OIT3: variants seen among roughly 807,000 people sequenced by gnomAD.
OIT3 encodes oncoprotein-induced transcript 3 protein.
OIT3 carries 41 observed loss-of-function variants against 52.2 expected under a neutral mutation model. That is an observed-to-expected ratio of 0.79 (90% CI 0.61 to 1.02). The LOEUF is 1.02. OIT3 is among the 50% of genes least tolerant of loss of function. The probability of loss-of-function intolerance (pLI) is 0.00; values close to 1 mark genes in which losing one functional copy is unlikely to be tolerated. For missense variants in OIT3, 634 were observed against 715.5 expected (o/e 0.89, Z 1.30); for synonymous variants, 244 against 276.9 (o/e 0.88, Z 1.18).
chr10:72,901,980 C>T (rs1430747094), intron 3 of OIT3, among the ~76,000 whole-genome samples: 1 of 152,048 alleles, frequency 6.6e-6, no homozygotes, highest in Non-Finnish European at 1.5e-5. Context: ...TTAAGGCTGC[C>T]ATCAGCTCTG....
rs766246668 is a variant in OIT3, at chr10:72,927,417, A to AACG, written c.1367+2774_1367+2776dup. ...GGCCTCCCAAAGTGCTGGGATTACA[A>AACG]ACGTGAGCCACCACGCCCAACCATA... On this transcript the variant is annotated intron_variant, in intron 7 of 8. Transcript: ENST00000334011. Among the ~76,000 whole-genome samples the AACG allele has an allele frequency of 2.0e-5, 3 of 152,246 alleles. No homozygotes were observed. The South Asian group carries it at 6.2e-4, about 32-fold the overall frequency.
rs1363419707 is a variant in OIT3 at position 72,919,052 on chromosome 10, G to A, written c.952-5177G>A. On this transcript the variant is annotated intron_variant, in intron 6 of 8. Transcript: ENST00000334011. ...AAGCAGTGAGTCTATAAATTGCTTTGGGCAATATGGTCATTTTAATAATAT... is the reference window on the plus strand; with the variant it reads ...AAGCAGTGAGTCTATAAATTGCTTTAGGCAATATGGTCATTTTAATAATAT... Among the ~76,000 whole-genome samples the A allele has an allele frequency of 5.9e-5, 9 of 152,060 alleles. No individual in the cohort carries two copies. In the South Asian group the frequency reaches 1.2e-3, roughly 21 times the overall value.
chr10:72,924,701 T>C, intron 7 of OIT3, 57 bp downstream of exon 7: 1 of 1,354,100 alleles, frequency 7.4e-7, no homozygotes, highest in Non-Finnish European at 1.0e-6. Flanking sequence ...GCCTCTAAGT[T>C]CACAGCACAC....
chr10:72,894,148 G>A (rs890936959), intron 1 of OIT3, among the ~76,000 whole-genome samples: 3 of 151,038 alleles, frequency 2.0e-5, no homozygotes, highest in Admixed American at 6.6e-5. Flanking sequence ...TCTTCTTTGT[G>A]TTCTAGGCAC....
chr10:72,918,261 A>T (rs1846091030), intron 6 of OIT3: 1 of 802,164 alleles, frequency 1.2e-6, no homozygotes, highest in African/African-American at 1.7e-5. Context: ...TGTTATTTCA[A>T]AGCCCCCAAG....
At chr10:72,897,894 A>C (rs976047205) in intron 1 of OIT3, among the ~76,000 whole-genome samples, 8 of 152,124 alleles carry the variant, frequency 5.3e-5, no homozygotes, top group Non-Finnish European at 7.4e-5. Context: ...TCTTTTTTCA[A>C]AATGATAGTT....
At chr10:72,894,354 T>TCAGG (rs1225460261) in intron 1 of OIT3, among the ~76,000 whole-genome samples, 1 of 152,196 alleles carries the variant, frequency 6.6e-6, no homozygotes, top group Non-Finnish European at 1.5e-5. Flanking sequence ...GTCTCCCTCC[T>TCAGG]CAGGCTTGGT....
intron 3 of OIT3, among the ~76,000 whole-genome samples, chr10:72,905,104 A>T (rs1845967080): frequency 6.6e-6 from 1 of 152,208 alleles, no homozygotes; most frequent in African/African-American, 2.4e-5. Context: ...GACAGCACCA[A>T]GCCATTCACA....
chr10:72,932,592 C>A lies in OIT3; in HGVS notation c.*68C>A. The stretch of plus-strand genomic sequence containing the variant: ...CTTTGGAGCTTCTCCCCCCACCGCC[C>A]TCTAAGAACATCTGCCAACAGCTGG... On this transcript the variant is annotated 3_prime_UTR_variant, in exon 9 of 9. Transcript: ENST00000334011. 7.1e-7 allele frequency: 1 copy of A among 1,410,430 alleles called. No homozygotes were observed. The highest frequency in any genetic ancestry group is 9.6e-7 in the Non-Finnish European group (1 of 1,040,534). 87.4% of individuals were successfully genotyped at this position (1,410,430 alleles called of 1,614,324 possible). A position where few individuals can be genotyped will look rare whatever the true frequency, so the allele number is the denominator to read the frequency against.
At chr10:72,924,173 A>T (rs1846145880) in intron 6 of OIT3, 56 bp from the exon 7 acceptor site, 3 of 1,467,272 alleles carry the variant, frequency 2.0e-6, no homozygotes, top group East Asian at 2.3e-5. Flanking sequence ...GGGGGAAAAA[A>T]AACTGTAGAA....
intron 5 of OIT3, among the ~76,000 whole-genome samples, 175 bp from the exon 6 acceptor site, chr10:72,913,133 A>G (rs573538837): frequency 1.3e-5 from 2 of 152,370 alleles, no homozygotes; most frequent in South Asian, 4.1e-4. Context: ...TTATTTCACC[A>G]TAATCTTGGG....
chr10:72,906,882 G>T (rs138193119), intron 4 of OIT3, among the ~76,000 whole-genome samples, 164 bp downstream of exon 4: 4 of 152,318 alleles, frequency 2.6e-5, no homozygotes, highest in African/African-American at 9.6e-5. Flanking sequence ...TCACGCTATG[G>T]ACAGAATTCA....
At chr10:72,925,622 G>C (rs1846163480) in intron 7 of OIT3, among the ~76,000 whole-genome samples, 1 of 152,128 alleles carries the variant, frequency 6.6e-6, no homozygotes, top group Non-Finnish European at 1.5e-5. Flanking sequence ...TTTTTCAGGG[G>C]TGGAGGGCAG....
Position 72,921,929 on chromosome 10 carries a change from C to T in OIT3, c.952-2300C>T, listed in dbSNP as rs903045902. Among the ~76,000 whole-genome samples, 5 of 152,138 alleles carry T rather than the reference C, an allele frequency of 3.3e-5. No individual in the cohort carries two copies. The South Asian group carries it at 1.0e-3, about 32-fold the overall frequency. On this transcript the variant is annotated intron_variant, in intron 6 of 8. Coordinates refer to ENST00000334011, the MANE Select transcript of OIT3 (RefSeq NM_152635.3). ...TCAAGTGATCCGCCTGCCTCAGCCT[C>T]CCAAAGTGCTGGGACTACAGGTGTG...
chr10:72,915,789 G>T (rs978015265), intron 6 of OIT3, among the ~76,000 whole-genome samples: 2 of 152,158 alleles, frequency 1.3e-5, no homozygotes, highest in African/African-American at 2.4e-5. Context: ...GGTTTACAAT[G>T]AGAGCTAAAA....
rs1249079003 is a variant in OIT3 at position 72,924,637 on chromosome 10, C to T, written c.1360C>T (p.Arg454Trp). 4 of 1,605,982 alleles carry T rather than the reference C, an allele frequency of 2.5e-6. No homozygotes were observed. Among genetic ancestry groups the T allele is most frequent in the Admixed American group, 3.4e-5 (2 of 59,456 alleles). The change falls in exon 7 of 9, where the codon CGG becomes TGG. Residue 454 changes from arginine (R) to tryptophan (W), a missense_variant. Coordinates refer to ENST00000334011, the MANE Select transcript of OIT3 (RefSeq NM_152635.3). ...IDEVLKYYLI[R>W]DGCVSDDSVK... ...CGAGGTCCTGAAATACTACCTCATC[C>T]GGGATGGGTAATGCTGCTGCAAGAA...
intron 4 of OIT3, among the ~76,000 whole-genome samples, chr10:72,907,832 G>C (rs991014716): frequency 1.3e-5 from 2 of 152,064 alleles, no homozygotes; most frequent in Non-Finnish European, 2.9e-5. Flanking sequence ...TAATAAAAAA[G>C]AATTCATAAT....
rs762119597 is a variant in OIT3 at position 72,898,578 on chromosome 10, A to G, written c.62-86A>G. On this transcript the variant is annotated intron_variant, in intron 1 of 8. Transcript: ENST00000334011. ...CTCTCTGGAATTCAAAAATGTCCAA[A>G]TGCAAGACCAAGAAGTTGGACTTGG... is the stretch of plus-strand genomic sequence containing the variant. The G allele has an allele frequency of 5.8e-5, 75 of 1,299,054 alleles. No individual in the cohort carries two copies. The Middle Eastern group carries it at 6.0e-4, about 10-fold the overall frequency. The allele number at this position is 1,299,054 out of a possible 1,614,324, so 80.5% of individuals were successfully genotyped here.
chr10:72,916,093 G>A (rs956797604), intron 6 of OIT3, among the ~76,000 whole-genome samples: 12 of 152,070 alleles, frequency 7.9e-5, no homozygotes, highest in Non-Finnish European at 1.3e-4. Flanking sequence ...TACTCTCATC[G>A]CACTCATCCC....
Sources: allele counts gnomAD v4.1 joint callset (sites outside exome capture counted in the v4.1 genomes callset), GRCh38; gene constraint gnomAD v4.1.1; transcripts MANE v1.5; gene names NCBI Gene and HGNC (gene_info 2026-07-23, HGNC 2026-07-21).